Variants in SH3RF1 observed in about 807,000 individuals in gnomAD.
SH3RF1 encodes SH3 domain containing ring finger 1, also known as E3 ubiquitin-protein ligase SH3RF1.
In SH3RF1, 32 loss-of-function variants were observed where a neutral mutation model predicts 74.0. The observed-to-expected ratio is 0.43, with a 90% CI of 0.33 to 0.58. The LOEUF (loss-of-function observed/expected upper bound fraction) is 0.58, where lower values mean the gene tolerates loss of function less well. Among genes scored for constraint, SH3RF1 ranks in the 20% least tolerant of loss-of-function variants. The probability of loss-of-function intolerance (pLI) is 0.05; values close to 1 mark genes in which losing one functional copy is unlikely to be tolerated. For missense variants in SH3RF1, 954 were observed against 1,130.9 expected (o/e 0.84, Z 2.24); for synonymous variants, 396 against 439.6 (o/e 0.90, Z 1.24).
At chr4:169,203,864 C>T (rs1400680502) in intron 2 of SH3RF1, 1 of 152,178 alleles carries the variant, frequency 6.6e-6, no homozygotes, top group Non-Finnish European at 1.5e-5. Flanking sequence ...AACGCAGACA[C>T]TGGTACTAAA....
At chr4:169,161,148 A>C (rs974174785) in intron 2 of SH3RF1, among the ~76,000 whole-genome samples, 4 of 152,216 alleles carry the variant, frequency 2.6e-5, no homozygotes, top group Admixed American at 6.5e-5. Flanking sequence ...AAGGAGAGAA[A>C]GCCAAAGAGA....
intron 2 of SH3RF1, among the ~76,000 whole-genome samples, chr4:169,230,849 C>T (rs1305349632): frequency 2.5e-5 from 2 of 79,394 alleles, no homozygotes; most frequent in African/African-American, 3.5e-5. Flanking sequence ...GAGTGAGAAA[C>T]CACCTCAAAA....
chr4:169,117,940 G>A (rs1278056724), intron 8 of SH3RF1, among the ~76,000 whole-genome samples, 158 bp from the exon 9 acceptor site: 3 of 152,174 alleles, frequency 2.0e-5, no homozygotes, highest in African/African-American at 4.8e-5. Flanking sequence ...AAAATTCAAC[G>A]TAATGATGGC....
chr4:169,150,430 A>G (rs1733957107), intron 4 of SH3RF1, among the ~76,000 whole-genome samples: 1 of 152,226 alleles, frequency 6.6e-6, no homozygotes, highest in Non-Finnish European at 1.5e-5. Context: ...TACACTGTGG[A>G]ATGGCTAAAT....
Position 169,106,834 on chromosome 4 carries a change from A to C in SH3RF1, c.2498+13T>G. On this transcript the variant is annotated intron_variant, in intron 11 of 11. Transcript: ENST00000284637. ...CATTTTTTAGTTTTTTCCTGGAACG[A>C]AGTTGAACTTACCTTTCACAAACGA... 1 of 1,533,354 alleles carries C rather than the reference A, an allele frequency of 6.5e-7. No individual in the cohort carries two copies. Among genetic ancestry groups the C allele is most frequent in the Non-Finnish European group, 8.8e-7 (1 of 1,138,460 alleles). 95.0% of individuals were successfully genotyped at this position (1,533,354 alleles called of 1,614,324 possible).
chr4:169,158,432 C>T (rs958050581), intron 2 of SH3RF1, among the ~76,000 whole-genome samples: 11 of 152,268 alleles, frequency 7.2e-5, no homozygotes, highest in African/African-American at 1.7e-4. Flanking sequence ...ATAAGAATTA[C>T]GGAACATAAA....
At chr4:169,139,605 TTA>T (rs1299763480) in intron 4 of SH3RF1, among the ~76,000 whole-genome samples, 2 of 152,212 alleles carry the variant, frequency 1.3e-5, no homozygotes, top group African/African-American at 4.8e-5. Context: ...AATAATCTAG[TTA>T]TGTGTCTTTT....
chr4:169,137,914 A>G (rs1430933998), intron 4 of SH3RF1, among the ~76,000 whole-genome samples: 1 of 152,186 alleles, frequency 6.6e-6, no homozygotes, highest in East Asian at 1.9e-4. Context: ...AGTAAGATAA[A>G]TCTTTATCAA....
intron 2 of SH3RF1, among the ~76,000 whole-genome samples, chr4:169,217,812 A>G (rs985148802): frequency 3.3e-5 from 5 of 152,206 alleles, no homozygotes; most frequent in Non-Finnish European, 7.3e-5. Context: ...TTAATGCCAC[A>G]GAACCGTATA....
Position 169,106,992 on chromosome 4 carries a change from C to T in SH3RF1, c.2353G>A (p.Val785Met). Residue 785 changes from valine (V) to methionine (M), a missense_variant, in exon 11 of 12, where the codon GTG becomes ATG. Val to Met is a conservative substitution (Grantham distance 21). Around this residue, in one of 3 missense-constraint regions of SH3RF1, gnomAD observed 854 missense variants for 962.5 expected, o/e 0.89. Coordinates refer to ENST00000284637, the MANE Select transcript of SH3RF1 (RefSeq NM_020870.4). ...VDGDGPVTTA[V>M]AGAALAQDAF... ...TCCTGGGCCAGGGCTGCTCCTGCCA[C>T]TGCAGTCGTGACCGGTCCGTCCCCG... 1 of 1,614,016 alleles carries T rather than the reference C, an allele frequency of 6.2e-7. No homozygotes were observed. The highest frequency in any genetic ancestry group is 8.5e-7 in the Non-Finnish European group (1 of 1,180,020).
chr4:169,099,863 G>A (rs934138942), intron 11 of SH3RF1, among the ~76,000 whole-genome samples: 1 of 152,152 alleles, frequency 6.6e-6, no homozygotes, highest in Non-Finnish European at 1.5e-5. Context: ...GGTGGAATGA[G>A]AAACTATGTG....
intron 2 of SH3RF1, among the ~76,000 whole-genome samples, chr4:169,245,757 C>A: frequency 6.6e-6 from 1 of 152,108 alleles, no homozygotes; most frequent in Non-Finnish European, 1.5e-5. Flanking sequence ...AACCTTGTAA[C>A]TGCAGGATAT....
At chr4:169,221,765 A>T in intron 2 of SH3RF1, among the ~76,000 whole-genome samples, 1 of 152,212 alleles carries the variant, frequency 6.6e-6, no homozygotes, top group Admixed American at 6.5e-5. Context: ...ATTTGCCCTG[A>T]ATTTTAAAAT....
chr4:169,176,977 G>A (rs1016112066), intron 2 of SH3RF1, among the ~76,000 whole-genome samples: 1 of 152,020 alleles, frequency 6.6e-6, no homozygotes, highest in Non-Finnish European at 1.5e-5. Flanking sequence ...TATGTTGCCC[G>A]GGTTGGTCTT....
Position 169,212,308 on chromosome 4 carries a change from C to T in SH3RF1, c.394-55629G>A, listed in dbSNP as rs540745431. ...TAATCTCCCGACCTCAGGTGATCTGCCTGCCTCAGCCTCCCAAAATGCCAG... is the reference window on the plus strand; with the variant it reads ...TAATCTCCCGACCTCAGGTGATCTGTCTGCCTCAGCCTCCCAAAATGCCAG... On this transcript the variant is annotated intron_variant, in intron 2 of 11. Coordinates refer to ENST00000284637, the MANE Select transcript of SH3RF1 (RefSeq NM_020870.4). 2.2e-3 allele frequency among the ~76,000 whole-genome samples: 336 copies of T among 152,120 alleles called. 2 individuals carry two copies. The South Asian group carries it at 0.023, about 11-fold the overall frequency.
chr4:169,125,750 G>T (rs779657546), intron 6 of SH3RF1, among the ~76,000 whole-genome samples: 1 of 152,092 alleles, frequency 6.6e-6, no homozygotes, highest in Non-Finnish European at 1.5e-5. Context: ...TTTCCATTCA[G>T]CCCACTTTCA....
At chr4:169,167,605 A>C (rs1166697171) in intron 2 of SH3RF1, among the ~76,000 whole-genome samples, 2 of 152,088 alleles carry the variant, frequency 1.3e-5, no homozygotes, top group African/African-American at 4.8e-5. Context: ...AATTACTGAC[A>C]CATGTGAGTA....
At chr4:169,219,838 GC>G (rs1391875560) in intron 2 of SH3RF1, among the ~76,000 whole-genome samples, 5 of 151,956 alleles carry the variant, frequency 3.3e-5, no homozygotes. Context: ...TTTACATGTC[GC>G]CCTGTATGCA....
chr4:169,137,637 A>C (rs1400786299), intron 4 of SH3RF1, among the ~76,000 whole-genome samples: 1 of 152,222 alleles, frequency 6.6e-6, no homozygotes, highest in East Asian at 1.9e-4. Context: ...TTTATATAAA[A>C]TAATATCATG....
Sources: gnomAD v4.1 joint callset for allele counts (sites outside exome capture counted in the v4.1 genomes callset) on GRCh38, gnomAD v4.1.1 for gene constraint, gnomAD v4.1.1 regional missense constraint, MANE v1.5 for transcripts, NCBI Gene and HGNC (gene_info 2026-07-23, HGNC 2026-07-21) for gene names.